KIAA0825: variants seen among roughly 807,000 people sequenced by gnomAD.
KIAA0825 encodes the protein KIAA0825.
Under a neutral mutation model 147.6 loss-of-function variants are expected in KIAA0825, and 119 were observed. The observed-to-expected ratio is 0.81, with a 90% CI of 0.69 to 0.94. The LOEUF (loss-of-function observed/expected upper bound fraction) is 0.94, where lower values mean the gene tolerates loss of function less well. Ranked by LOEUF, KIAA0825 falls within the 40% of genes least tolerant of loss-of-function variation. The pLI, the probability that KIAA0825 is intolerant of heterozygous loss-of-function variation, is 0.00. For synonymous variants in KIAA0825, 470 were observed against 518.1 expected (o/e 0.91, Z 1.26); for missense variants, 1,381 against 1,472.7 (o/e 0.94, Z 1.02).
At chr5:94,512,141 ATGT>A (rs1766577113) in intron 5 of KIAA0825, among the ~76,000 whole-genome samples, 1 of 152,180 alleles carries the variant, frequency 6.6e-6, no homozygotes, top group South Asian at 2.1e-4. Context: ...ACAAGAAAGA[ATGT>A]TGTGGTATAG....
intron 20 of KIAA0825, among the ~76,000 whole-genome samples, chr5:94,351,268 T>C (rs447540): frequency 0.2 from 29,973 of 152,102 alleles, 3,470 homozygotes; most frequent in Middle Eastern, 0.26. Context: ...AGCTCTTCTA[T>C]ACACCAGCAG....
At chr5:94,368,843 C>G (rs62364582) in intron 20 of KIAA0825, among the ~76,000 whole-genome samples, 2,359 of 152,224 alleles carry the variant, frequency 0.015, 25 homozygotes, top group Middle Eastern at 0.027. Flanking sequence ...GATGGTTGGA[C>G]TTCTGTGTGA....
At chr5:94,566,329 A>C (rs1480905712) in intron 2 of KIAA0825, among the ~76,000 whole-genome samples, 2 of 152,182 alleles carry the variant, frequency 1.3e-5, no homozygotes, top group Non-Finnish European at 2.9e-5. Context: ...CATCCAAATC[A>C]GGACTTTTTT....
intron 5 of KIAA0825, among the ~76,000 whole-genome samples, chr5:94,497,066 A>T (rs1764461882): frequency 6.6e-6 from 1 of 152,180 alleles, no homozygotes; most frequent in Non-Finnish European, 1.5e-5. Context: ...TACTGAACAC[A>T]TACTATATGG....
intron 1 of KIAA0825, among the ~76,000 whole-genome samples, chr5:94,603,908 A>G (rs948090632): frequency 3.3e-5 from 5 of 152,248 alleles, no homozygotes; most frequent in African/African-American, 9.6e-5. Context: ...CCAACAAAGG[A>G]GCACCCAGAT....
intron 5 of KIAA0825, among the ~76,000 whole-genome samples, chr5:94,488,217 A>G (rs1315993958): frequency 6.6e-6 from 1 of 152,200 alleles, no homozygotes; most frequent in Admixed American, 6.5e-5. Flanking sequence ...GGATACAATC[A>G]ATCCAGGAGT....
chr5:94,539,288 G>A (rs1772778830), intron 2 of KIAA0825, among the ~76,000 whole-genome samples: 1 of 152,146 alleles, frequency 6.6e-6, no homozygotes, highest in African/African-American at 2.4e-5. Flanking sequence ...GCAACCAGCA[G>A]CCCATGGGGC....
intron 16 of KIAA0825, among the ~76,000 whole-genome samples, chr5:94,397,057 T>A (rs1464387674): frequency 6.6e-6 from 1 of 152,110 alleles, no homozygotes; most frequent in Non-Finnish European, 1.5e-5. Flanking sequence ...ACCCTCTCTT[T>A]TGGGGATCCC....
At chr5:94,360,021 C>T (rs1346057070) in intron 20 of KIAA0825, among the ~76,000 whole-genome samples, 1 of 152,078 alleles carries the variant, frequency 6.6e-6, no homozygotes, top group Non-Finnish European at 1.5e-5. Flanking sequence ...GAGTTAAGTG[C>T]TCATTAGCCC....
At chr5:94,266,495 T>C (rs1583988511) in intron 20 of KIAA0825, among the ~76,000 whole-genome samples, 1 of 152,324 alleles carries the variant, frequency 6.6e-6, no homozygotes, top group East Asian at 1.9e-4. Flanking sequence ...TGAATTTTGG[T>C]GCTGTATTAA....
intron 20 of KIAA0825, among the ~76,000 whole-genome samples, chr5:94,250,721 G>A (rs1175673930): frequency 1.3e-5 from 2 of 152,090 alleles, no homozygotes; most frequent in Non-Finnish European, 2.9e-5. Context: ...AGTTGGCACT[G>A]CATGCAAATC....
intron 3 of KIAA0825, among the ~76,000 whole-genome samples, chr5:94,525,295 T>A (rs1769060957): frequency 6.6e-6 from 1 of 151,928 alleles, no homozygotes; most frequent in Non-Finnish European, 1.5e-5. Context: ...TACGAAAGAC[T>A]CTTTGAAATT....
At chr5:94,558,512 C>A (rs1486284534) in intron 2 of KIAA0825, among the ~76,000 whole-genome samples, 1 of 152,204 alleles carries the variant, frequency 6.6e-6, no homozygotes, top group African/African-American at 2.4e-5. Context: ...CTTCTCCATG[C>A]TCCACTGCCC....
chr5:94,578,960 CCCAG>C (rs1384492980), intron 2 of KIAA0825, among the ~76,000 whole-genome samples: 1 of 152,164 alleles, frequency 6.6e-6, no homozygotes, highest in African/African-American at 2.4e-5. Flanking sequence ...GACTCTGTCA[CCCAG>C]GCTGGAGTAC....
Position 94,462,467 on chromosome 5 carries a change from T to G in KIAA0825, c.2166A>C (p.Lys722Asn), listed in dbSNP as rs1198544095. Residue 722 changes from lysine to asparagine, a missense_variant, in exon 12 of 21, where the codon AAA (lysine) becomes AAC (asparagine). Lys to Asn is a moderately conservative substitution (Grantham distance 94). Coordinates refer to ENST00000682413, the MANE Select transcript of KIAA0825 (RefSeq NM_001145678.3). ...TACAATGAGTGTGAATTTTAAAAAT[T>G]TTATCATCTGTATGCTGATGAGGAT... ...LLNPHQHTDD[K>N]IFKIHTHCNN... 1 of 1,536,728 alleles carries G rather than the reference T, an allele frequency of 6.5e-7. No individual in the cohort carries two copies. Among genetic ancestry groups the G allele is most frequent in the Non-Finnish European group, 8.8e-7 (1 of 1,135,182 alleles).
intron 20 of KIAA0825, among the ~76,000 whole-genome samples, chr5:94,207,018 T>C (rs533397398): frequency 6.6e-6 from 1 of 152,284 alleles, no homozygotes; most frequent in East Asian, 1.9e-4. Flanking sequence ...TATTTTGAAA[T>C]GATTTTATGT....
At position 94,384,577 on chromosome 5, in the gene KIAA0825, G is replaced by A; in HGVS notation, c.3620-119C>T. 5 of 693,138 alleles carry A rather than the reference G, an allele frequency of 7.2e-6. No individual in the cohort carries two copies. The South Asian group carries it at 9.1e-5, about 13-fold the overall frequency. The allele number at this position is 693,138 out of a possible 1,614,324, so 42.9% of individuals were successfully genotyped here. A position where few individuals can be genotyped will look rare whatever the true frequency, so the allele number is the denominator to read the frequency against. The stretch of plus-strand genomic sequence containing the variant: ...AAGAAGGAGGGGGGTCCAGAACAAG[G>A]ACTTAGACAGATAACATCAATCATG... On this transcript the variant is annotated intron_variant, in intron 19 of 20. Coordinates refer to ENST00000682413, the MANE Select transcript of KIAA0825 (RefSeq NM_001145678.3).
At chr5:94,180,584 G>A (rs1769522914) in intron 20 of KIAA0825, among the ~76,000 whole-genome samples, 1 of 152,000 alleles carries the variant, frequency 6.6e-6, no homozygotes, top group South Asian at 2.1e-4. Context: ...AAGGGTATTT[G>A]GGAATCTACA....
intron 20 of KIAA0825, among the ~76,000 whole-genome samples, chr5:94,305,631 CACTA>C (rs929333327): frequency 1.3e-4 from 20 of 152,094 alleles, no homozygotes; most frequent in Admixed American, 3.9e-4. Flanking sequence ...AACAAAATCT[CACTA>C]ACTGAGAATA....
Sources: gnomAD v4.1 joint callset for allele counts (sites outside exome capture counted in the v4.1 genomes callset) on GRCh38, gnomAD v4.1.1 for gene constraint, MANE v1.5 for transcripts, NCBI Gene and HGNC (gene_info 2026-07-23, HGNC 2026-07-21) for gene names.